The following ST7 variants were observed in gnomAD, a reference collection of about 807,000 sequenced individuals.
ST7 encodes the protein suppressor of tumorigenicity 7 protein.
A neutral mutation model predicts 78.7 loss-of-function variants in ST7; 28 were observed. That is an observed-to-expected ratio of 0.36 (90% CI 0.26 to 0.49). The LOEUF (loss-of-function observed/expected upper bound fraction) is 0.49. Among genes scored for constraint, ST7 ranks in the 20% least tolerant of loss-of-function variants. The probability of loss-of-function intolerance (pLI) is 0.99; values close to 1 mark genes in which losing one functional copy is unlikely to be tolerated. For synonymous variants in ST7, 247 were observed against 249.6 expected, an observed-to-expected ratio of 0.99 and a Z score of 0.10; for missense variants, 418 against 696.0, an observed-to-expected ratio of 0.60 and a Z score of 4.49.
chr7:117,003,460 G>C (rs188556767), intron 1 of ST7, among the ~76,000 whole-genome samples: 1,286 of 151,886 alleles, frequency 8.5e-3, no homozygotes, highest in Non-Finnish European at 0.013. Flanking sequence ...ACCACACCTG[G>C]CTAATTTTTG....
chr7:117,106,362 T>A (rs988065572), intron 2 of ST7, among the ~76,000 whole-genome samples: 1 of 152,214 alleles, frequency 6.6e-6, no homozygotes, highest in African/African-American at 2.4e-5. Context: ...AACCTAAGTC[T>A]TCATGTTCCT....
chr7:117,037,682 G>A (rs1796964231), intron 1 of ST7, among the ~76,000 whole-genome samples: 1 of 152,166 alleles, frequency 6.6e-6, no homozygotes, highest in African/African-American at 2.4e-5. Flanking sequence ...TTCTGAATGT[G>A]TGAGGGATCA....
chr7:117,070,848 G>A (rs1798905500), intron 1 of ST7, among the ~76,000 whole-genome samples: 2 of 152,014 alleles, frequency 1.3e-5, no homozygotes, highest in South Asian at 4.2e-4. Flanking sequence ...CGGCCAATGT[G>A]AGCATGTTTA....
At chr7:117,213,138 T>C (rs527748805) in intron 13 of ST7, among the ~76,000 whole-genome samples, 2 of 152,364 alleles carry the variant, frequency 1.3e-5, no homozygotes, top group South Asian at 4.1e-4. Flanking sequence ...CCGCTGGCCA[T>C]GCATAGGAAG....
At chr7:117,008,320 GTC>G (rs1051995489) in intron 1 of ST7, among the ~76,000 whole-genome samples, 6 of 152,214 alleles carry the variant, frequency 3.9e-5, no homozygotes, top group African/African-American at 1.4e-4. Context: ...TAGGATTGTA[GTC>G]TGTTTCTTGT....
chr7:117,118,108 C>G (rs1343264097), intron 2 of ST7: 3 of 153,042 alleles, frequency 2.0e-5, no homozygotes, highest in African/African-American at 7.2e-5. Flanking sequence ...AGGTTGAGCA[C>G]TTTAAAAATT....
intron 1 of ST7, among the ~76,000 whole-genome samples, chr7:116,999,089 A>G (rs750112024): frequency 3.9e-5 from 6 of 152,232 alleles, no homozygotes; most frequent in African/African-American, 9.6e-5. Context: ...GAGCATGTCA[A>G]CTTGTGGTGG....
Position 117,075,262 on chromosome 7 carries a change from G to C in ST7, c.152-24500G>C, listed in dbSNP as rs147281220. ...AGTTCATAAGCACTCATAGTTCAAA[G>C]GTTTATTTTTTCTTATTTTGAATAT... On this transcript the variant is annotated intron_variant, in intron 1 of 15. Coordinates refer to ENST00000323984, the MANE Select transcript of ST7 (RefSeq NM_001369598.1). Among the ~76,000 whole-genome samples the C allele has an allele frequency of 3.3e-4, 50 of 152,076 alleles. No individual in the cohort carries two copies. The East Asian group carries it at 8.5e-3, about 26-fold the overall frequency.
At chr7:116,962,746 T>G (rs980956080) in intron 1 of ST7, among the ~76,000 whole-genome samples, 1 of 152,242 alleles carries the variant, frequency 6.6e-6, no homozygotes, top group African/African-American at 2.4e-5. Flanking sequence ...GCCTGTTCAC[T>G]CTGATGATAG....
chr7:117,054,482 A>G (rs913690547), intron 1 of ST7, among the ~76,000 whole-genome samples: 5 of 152,286 alleles, frequency 3.3e-5, no homozygotes, highest in Middle Eastern at 3.4e-3. Flanking sequence ...TTGAGCTGGT[A>G]ATTTACTTAG....
At chr7:116,972,448 C>T (rs894416524) in intron 1 of ST7, 17 of 763,276 alleles carry the variant, frequency 2.2e-5, no homozygotes, top group Admixed American at 1.0e-4. Context: ...ATCCATCTCT[C>T]GGCAACGGTA....
intron 9 of ST7, among the ~76,000 whole-genome samples, chr7:117,148,231 A>G (rs140726002): frequency 2.8e-4 from 43 of 152,238 alleles, no homozygotes; most frequent in Non-Finnish European, 5.0e-4. Flanking sequence ...GTTGGTGATT[A>G]TTATGACTTA....
intron 1 of ST7, among the ~76,000 whole-genome samples, chr7:116,981,282 G>A (rs1196929310): frequency 6.6e-6 from 1 of 151,834 alleles, no homozygotes; most frequent in Admixed American, 6.6e-5. Context: ...TAATTTTTTT[G>A]TAATTTTTGT....
At chr7:117,221,185 C>A (rs1300171385) in intron 14 of ST7, among the ~76,000 whole-genome samples, 3 of 152,178 alleles carry the variant, frequency 2.0e-5, no homozygotes, top group Non-Finnish European at 4.4e-5. Flanking sequence ...TTTTCCCAAA[C>A]CCAATGTTTG....
At chr7:117,188,839 A>G (rs1490027484) in intron 10 of ST7, among the ~76,000 whole-genome samples, 2 of 152,308 alleles carry the variant, frequency 1.3e-5, no homozygotes, top group East Asian at 1.9e-4. Context: ...AATTTAATGC[A>G]AAGGAAATTT....
intron 1 of ST7, among the ~76,000 whole-genome samples, chr7:117,040,321 G>A (rs974234272): frequency 1.3e-5 from 2 of 151,888 alleles, no homozygotes; most frequent in East Asian, 1.9e-4. Flanking sequence ...GCAGTGAGCC[G>A]AAATCGCAGC....
intron 3 of ST7, among the ~76,000 whole-genome samples, chr7:117,128,944 A>G (rs948935475): frequency 2.6e-5 from 4 of 151,890 alleles, no homozygotes; most frequent in African/African-American, 7.2e-5. Flanking sequence ...TTATAATAAA[A>G]TCTTATTCAT....
At chr7:117,083,663 G>A (rs1199507621) in intron 1 of ST7, among the ~76,000 whole-genome samples, 1 of 152,010 alleles carries the variant, frequency 6.6e-6, no homozygotes, top group East Asian at 1.9e-4. Flanking sequence ...AAAATTATTA[G>A]CACACAATAT....
chr7:117,106,509 A>C lies in ST7; in HGVS notation c.234+6665A>C, dbSNP rs560524597. Among the ~76,000 whole-genome samples, 3 of 151,522 alleles carry C rather than the reference A, an allele frequency of 2.0e-5. No homozygotes were observed. The South Asian group carries it at 6.2e-4, about 31-fold the overall frequency. Reference sequence around the variant, plus strand: ...CTATTTCTGAGATTTTCGTGCATCCATCCCCCTAGCAGTGTACACCATACC... The same window carrying C: ...CTATTTCTGAGATTTTCGTGCATCCCTCCCCCTAGCAGTGTACACCATACC... On this transcript the variant is annotated intron_variant, in intron 2 of 15. Coordinates refer to ENST00000323984, the MANE Select transcript of ST7 (RefSeq NM_001369598.1).
Sources: allele counts gnomAD v4.1 joint callset (sites outside exome capture counted in the v4.1 genomes callset), GRCh38; gene constraint gnomAD v4.1.1; transcripts MANE v1.5; gene names NCBI Gene and HGNC (gene_info 2026-07-23, HGNC 2026-07-21).